Variants in PCDHA2 observed in about 807,000 individuals in gnomAD.
The protein encoded by PCDHA2 is protocadherin alpha 2.
A neutral mutation model predicts 66.0 loss-of-function variants in PCDHA2; 58 were observed. That is an observed-to-expected ratio of 0.88 (90% CI 0.71 to 1.09). PCDHA2 has a LOEUF of 1.09. Ranked by LOEUF, PCDHA2 falls within the 50% of genes least tolerant of loss-of-function variation. PCDHA2 has a pLI of 0.00. For missense variants in PCDHA2, 1,267 were observed against 1,242.3 expected (o/e 1.02, Z -0.30); for synonymous variants, 634 against 554.0 (o/e 1.14, Z -2.03).
intron 1 of PCDHA2, chr5:140,808,220 G>C: frequency 6.2e-7 from 1 of 1,614,204 alleles, no homozygotes; most frequent in Non-Finnish European, 8.5e-7. Context: ...AGACAACAAC[G>C]ATAATGTCCC....
intron 1 of PCDHA2, among the ~76,000 whole-genome samples, chr5:140,886,928 C>T (rs2061230435): frequency 6.6e-6 from 1 of 151,686 alleles, no homozygotes; most frequent in African/African-American, 2.4e-5. Flanking sequence ...TCTCTATGTG[C>T]CAGGCATGTT....
chr5:140,899,019 G>A (rs2067099712), intron 1 of PCDHA2, among the ~76,000 whole-genome samples: 1 of 151,834 alleles, frequency 6.6e-6, no homozygotes, highest in African/African-American at 2.4e-5. Flanking sequence ...AAGAATGCTT[G>A]TGATTTTTGT....
At chr5:140,960,303 C>G (rs2095539243) in intron 1 of PCDHA2, among the ~76,000 whole-genome samples, 1 of 152,132 alleles carries the variant, frequency 6.6e-6, no homozygotes, top group African/African-American at 2.4e-5. Context: ...TTCATCAATA[C>G]CAACCTCATT....
chr5:140,893,817 C>T (rs951661016), intron 1 of PCDHA2, among the ~76,000 whole-genome samples: 73 of 152,098 alleles, frequency 4.8e-4, no homozygotes, highest in African/African-American at 1.7e-3. Context: ...AGTCTGGTAC[C>T]GTAGACTACT....
chr5:140,850,377 A>G (rs2150481518), intron 1 of PCDHA2: 3 of 1,597,876 alleles, frequency 1.9e-6, no homozygotes, highest in Middle Eastern at 1.7e-4. Context: ...GGGGCTGTAC[A>G]CGGGCGAGAT....
chr5:141,009,258 C>A (rs1311772308), intron 3 of PCDHA2, among the ~76,000 whole-genome samples: 1 of 152,086 alleles, frequency 6.6e-6, no homozygotes, highest in Admixed American at 6.6e-5. Flanking sequence ...TGTTTGAGAC[C>A]AGCCTGGGCA....
chr5:140,843,109 A>C (rs2150352812), intron 1 of PCDHA2: 9 of 1,595,800 alleles, frequency 5.6e-6, no homozygotes, highest in Non-Finnish European at 6.9e-6. Flanking sequence ...AGGTGCGCGC[A>C]GTGGACGCCG....
At chr5:140,874,647 G>T (rs2055047919) in intron 1 of PCDHA2, among the ~76,000 whole-genome samples, 1 of 152,200 alleles carries the variant, frequency 6.6e-6, no homozygotes, top group Non-Finnish European at 1.5e-5. Context: ...ACTTTTGCTA[G>T]AGTAAAACTT....
At chr5:140,829,818 C>A (rs1554132278) in intron 1 of PCDHA2, 1 of 1,613,864 alleles carries the variant, frequency 6.2e-7, no homozygotes, top group Non-Finnish European at 8.5e-7. Context: ...ACTGGTGGTG[C>A]AGTGAGCGAG....
chr5:140,876,685 T>C, intron 1 of PCDHA2: 1 of 1,614,216 alleles, frequency 6.2e-7, no homozygotes, highest in Non-Finnish European at 8.5e-7. Flanking sequence ...CAAGAATTAC[T>C]ACTCGTTGGT....
rs2150477798 is a variant in PCDHA2 at position 140,850,289 on chromosome 5, C to T, written c.2388+52937C>T. On this transcript the variant is annotated intron_variant, in intron 1 of 3. Coordinates refer to ENST00000526136, the MANE Select transcript of PCDHA2 (RefSeq NM_018905.3). ...TGGTGGGGAAGGTGCGCGCAGTGGA[C>T]GCCGACTCGGGCTACAACGCGTGGC... 1.9e-6 allele frequency: 3 copies of T among 1,595,826 alleles called. No homozygotes were observed. In the East Asian group the frequency reaches 6.7e-5, roughly 36 times the overall value.
At chr5:140,886,916 G>A (rs1170747823) in intron 1 of PCDHA2, among the ~76,000 whole-genome samples, 1 of 151,436 alleles carries the variant, frequency 6.6e-6, no homozygotes, top group Non-Finnish European at 1.5e-5. Flanking sequence ...CTTATTGAGT[G>A]TTCTCTATGT....
rs1237293055 is a variant in PCDHA2 at position 140,848,212 on chromosome 5, G to T, written c.2388+50860G>T. ...TTCTGTTTCAACAATCATTACTTAA[G>T]AAAAAATTAAGAAAATGAAATAAGT... On this transcript the variant is annotated intron_variant, in intron 1 of 3. Transcript: ENST00000526136. The T allele has an allele frequency of 5.6e-6, 2 of 355,864 alleles. 1 individual carries two copies. Among genetic ancestry groups the T allele is most frequent in the Non-Finnish European group, 1.0e-5 (2 of 196,396 alleles). The allele number at this position is 355,864 out of a possible 1,614,324, so 22.0% of individuals were successfully genotyped here.
At chr5:141,003,968 G>A (rs1262948428) in intron 3 of PCDHA2, among the ~76,000 whole-genome samples, 1 of 152,148 alleles carries the variant, frequency 6.6e-6, no homozygotes, top group Non-Finnish European at 1.5e-5. Flanking sequence ...GGAGCATAAG[G>A]GAGGGGACTT....
At chr5:140,965,496 ATT>A (rs71766133) in intron 1 of PCDHA2, among the ~76,000 whole-genome samples, 87 of 146,352 alleles carry the variant, frequency 5.9e-4, no homozygotes, top group Middle Eastern at 3.6e-3. Context: ...ATGACAGCAG[ATT>A]TTTTTTTTTT....
At chr5:140,926,554 G>A (rs2083344574) in intron 1 of PCDHA2, 1 of 237,224 alleles carries the variant, frequency 4.2e-6, no homozygotes, top group Non-Finnish European at 8.0e-6. Context: ...CGAGACCCCA[G>A]CCCGCTGCTA....
chr5:140,996,848 G>A (rs560517454), intron 3 of PCDHA2, among the ~76,000 whole-genome samples: 1 of 152,254 alleles, frequency 6.6e-6, no homozygotes, highest in African/African-American at 2.4e-5. Flanking sequence ...TGCATCTTCA[G>A]AATTCTTTAT....
At chr5:140,875,951 C>T in intron 1 of PCDHA2, 1 of 1,614,116 alleles carries the variant, frequency 6.2e-7, no homozygotes, top group South Asian at 1.1e-5. Context: ...GCTTCTGATG[C>T]GGATATCGGC....
At chr5:140,806,712 C>T (rs1763772246) in intron 1 of PCDHA2, among the ~76,000 whole-genome samples, 2 of 152,152 alleles carry the variant, frequency 1.3e-5, no homozygotes, top group Non-Finnish European at 2.9e-5. Flanking sequence ...ATGAATTTTT[C>T]TAATCAACAG....
Sources: allele counts gnomAD v4.1 joint callset (sites outside exome capture counted in the v4.1 genomes callset), GRCh38; gene constraint gnomAD v4.1.1; transcripts MANE v1.5; gene names NCBI Gene and HGNC (gene_info 2026-07-23, HGNC 2026-07-21).